FNDC7: variants seen among roughly 807,000 people sequenced by gnomAD.
FNDC7 encodes fibronectin type III domain containing 7, also known as fibronectin type III domain-containing protein 7.
A neutral mutation model predicts 74.2 loss-of-function variants in FNDC7; 66 were observed. That is an observed-to-expected ratio of 0.89 (90% CI 0.73 to 1.09). The LOEUF (loss-of-function observed/expected upper bound fraction) is 1.09, where lower values mean the gene tolerates loss of function less well. Ranked by LOEUF, FNDC7 falls within the 50% of genes least tolerant of loss-of-function variation. The pLI is 0.00. For missense variants in FNDC7, 829 were observed against 893.4 expected (o/e 0.93, Z 0.92); for synonymous variants, 307 against 330.2 (o/e 0.93, Z 0.76).
intron 4 of FNDC7, among the ~76,000 whole-genome samples, chr1:108,719,968 C>G (rs889140780): frequency 6.6e-5 from 10 of 152,190 alleles, no homozygotes; most frequent in Admixed American, 2.0e-4. Flanking sequence ...ATGGAAGCCC[C>G]ATAGTGTATG....
intron 10 of FNDC7, 106 bp from the exon 11 acceptor site, chr1:108,737,389 C>T (rs938257094): frequency 9.6e-5 from 96 of 1,002,990 alleles, no homozygotes; most frequent in Non-Finnish European, 1.2e-4. Flanking sequence ...CGTTCTTGTT[C>T]GTTTTTTGGT....
intron 2 of FNDC7, among the ~76,000 whole-genome samples, chr1:108,716,325 GTGTGTGTGTGT>G (rs1557786137): frequency 6.8e-5 from 4 of 58,516 alleles, no homozygotes; most frequent in African/African-American, 2.5e-4. Context: ...AGAGAGGTGT[GTGTGTGTGTGT>G]GTGTGTGTGT....
chr1:108,722,662 C>T, intron 5 of FNDC7, 70 bp downstream of exon 5: 1 of 1,474,582 alleles, frequency 6.8e-7, no homozygotes, highest in Non-Finnish European at 9.1e-7. Flanking sequence ...CGTTCACTGA[C>T]AATGTTTCTG....
intron 8 of FNDC7, among the ~76,000 whole-genome samples, chr1:108,729,231 C>T (rs955024698): frequency 4.6e-5 from 7 of 152,166 alleles, no homozygotes; most frequent in African/African-American, 1.7e-4. Flanking sequence ...TTCTTTGGCT[C>T]AGCCCTTTCA....
At chr1:108,731,193 C>T (rs1388938958) in intron 9 of FNDC7, among the ~76,000 whole-genome samples, 18 of 152,198 alleles carry the variant, frequency 1.2e-4, no homozygotes, top group Admixed American at 1.1e-3. Context: ...CTTTATATGA[C>T]ATAGCTACTT....
chr1:108,722,404 C>T lies in FNDC7; in HGVS notation c.668C>T (p.Ala223Val), dbSNP rs930398070. Residue 223 changes from alanine (A) to valine (V), a missense_variant, in exon 5 of 13, where the codon GCA becomes GTA. By Grantham distance (64) the Ala-to-Val change is moderately conservative. Coordinates refer to ENST00000370017, the MANE Select transcript of FNDC7 (RefSeq NM_001144937.3). ...GCTCTGAAGGCATCTTTTTCCTGGG[C>T]ACGGGCAGAAGGAGCTTTCAATTAT... ...SGALKASFSW[A>V]RAEGAFNYTV... is the part of the protein sequence containing the mutation. 7.4e-6 allele frequency: 12 copies of T among 1,614,046 alleles called. No individual in the cohort carries two copies. The highest frequency in any genetic ancestry group is 1.3e-5 in the African/African-American group (1 of 74,926).
At chr1:108,732,744 T>C (rs2151327) in intron 9 of FNDC7, among the ~76,000 whole-genome samples, 79,442 of 151,438 alleles carry the variant, frequency 0.52, 21,254 homozygotes, top group African/African-American at 0.57. Flanking sequence ...TCTTTTTTCT[T>C]TCTTTCTTTC....
chr1:108,731,888 C>T (rs911411529), intron 9 of FNDC7, among the ~76,000 whole-genome samples: 49 of 152,132 alleles, frequency 3.2e-4, no homozygotes, highest in Non-Finnish European at 3.5e-4. Flanking sequence ...CCTTGATATC[C>T]AGTTCTCAGA....
At chr1:108,719,077 C>T in intron 4 of FNDC7, 28 bp downstream of exon 4, 2 of 1,550,086 alleles carry the variant, frequency 1.3e-6, no homozygotes, top group Non-Finnish European at 8.7e-7. Context: ...CAGCCTCGAA[C>T]AATTCTACTT....
chr1:108,713,753 T>C (rs913832425), intron 2 of FNDC7, among the ~76,000 whole-genome samples: 2 of 152,310 alleles, frequency 1.3e-5, no homozygotes, highest in South Asian at 2.1e-4. Flanking sequence ...TCATAAAGTG[T>C]TCTTGCTGAG....
Position 108,717,886 on chromosome 1 carries a change from C to A in FNDC7, c.192C>A (p.Asp64Glu). The A allele has an allele frequency of 6.4e-7, 1 of 1,551,712 alleles. No homozygotes were observed. Among genetic ancestry groups the A allele is most frequent in the Non-Finnish European group, 8.7e-7 (1 of 1,146,992 alleles). ...GATSYLLTAEDGDTVIETTVA... is the reference protein window; with the variant it reads ...GATSYLLTAEEGDTVIETTVA... ...CCAGTTACCTCCTCACGGCTGAAGACGGGGACACAGTCATTGAAACCACGG... is the reference window on the plus strand; with the variant it reads ...CCAGTTACCTCCTCACGGCTGAAGAAGGGGACACAGTCATTGAAACCACGG... The change falls in exon 3 of 13, where the codon GAC becomes GAA. Residue 64 changes from aspartate (D) to glutamate (E), a missense_variant. Transcript: ENST00000370017.
intron 4 of FNDC7, among the ~76,000 whole-genome samples, chr1:108,720,619 G>GT (rs1661073648): frequency 6.6e-6 from 1 of 152,202 alleles, no homozygotes; most frequent in Non-Finnish European, 1.5e-5. Flanking sequence ...AGGCTACGAA[G>GT]TCTGAAATCA....
At position 108,726,024 on chromosome 1, in the gene FNDC7, T is replaced by C. The variant is rs760393872; in HGVS notation, c.1111+20T>C. The C allele has an allele frequency of 6.8e-6, 11 of 1,612,336 alleles. No homozygotes were observed. The highest frequency in any genetic ancestry group is 9.3e-6 in the Non-Finnish European group (11 of 1,178,828). The stretch of plus-strand genomic sequence containing the variant: ...CCACAGGTAAGTCCCATTTGATGTT[T>C]GTTAAGGGAGTTCTGAGATCTCTAA... On this transcript the variant is annotated intron_variant, in intron 6 of 12. Transcript: ENST00000370017.
intron 7 of FNDC7, 52 bp from the exon 8 acceptor site, chr1:108,728,580 A>G: frequency 6.2e-7 from 1 of 1,604,410 alleles, no homozygotes; most frequent in Non-Finnish European, 8.5e-7. Context: ...CAAATGGCAC[A>G]TGTGATATTT....
intron 2 of FNDC7, among the ~76,000 whole-genome samples, chr1:108,716,815 T>C (rs1448831319): frequency 1.3e-5 from 2 of 152,080 alleles, no homozygotes; most frequent in Non-Finnish European, 2.9e-5. Flanking sequence ...ATTTGACATA[T>C]AGTGATTTTA....
At chr1:108,721,418 A>G (rs766844709) in intron 4 of FNDC7, among the ~76,000 whole-genome samples, 1 of 152,142 alleles carries the variant, frequency 6.6e-6, no homozygotes, top group Non-Finnish European at 1.5e-5. Flanking sequence ...GCAGTAAGCC[A>G]AGATTGCGAC....
Position 108,730,691 on chromosome 1 carries a change from G to C in FNDC7, c.1642G>C (p.Gly548Arg), listed in dbSNP as rs149101048. 6.3e-7 allele frequency: 1 copy of C among 1,580,560 alleles called. No individual in the cohort carries two copies. The highest frequency in any genetic ancestry group is 8.6e-7 in the Non-Finnish European group (1 of 1,159,684). Residue 548 changes from glycine (G) to arginine (R), a missense_variant, in exon 9 of 13, where the codon GGT (glycine) becomes CGT (arginine). Gly to Arg is a moderately radical substitution (Grantham distance 125, BLOSUM62 -2). Transcript: ENST00000370017. Reference sequence around the variant, plus strand: ...CATTTAAGTGCCATGCTGTCCAACCGGTCTGACAGTAACTCAAATCACCCA... The same window carrying C: ...CATTTAAGTGCCATGCTGTCCAACCCGTCTGACAGTAACTCAAATCACCCA... The part of the protein sequence containing the change: ...PLETVPCCPT[G>R]LTVTQITQSV...
At chr1:108,727,488 G>A (rs574904423) in intron 6 of FNDC7, among the ~76,000 whole-genome samples, 1 of 152,274 alleles carries the variant, frequency 6.6e-6, no homozygotes, top group African/African-American at 2.4e-5. Flanking sequence ...CTTTCCAGTG[G>A]AGGGGTCAGC....
rs760503791 is a variant in FNDC7, at chr1:108,717,906, C to T, written c.212C>T (p.Thr71Ile). 2 of 1,551,740 alleles carry T rather than the reference C, an allele frequency of 1.3e-6. No individual in the cohort carries two copies. The highest frequency in any genetic ancestry group is 1.7e-6 in the Non-Finnish European group (2 of 1,147,004). ...GAAGACGGGGACACAGTCATTGAAA[C>T]CACGGTGGCCAATTCCCCAGGCACT... ...TAEDGDTVIETTVANSPGTVT... is the reference protein window; with the variant it reads ...TAEDGDTVIEITVANSPGTVT... Residue 71 changes from threonine (T) to isoleucine (I), a missense_variant, in exon 3 of 13, where the codon ACC (threonine) becomes ATC (isoleucine). Transcript: ENST00000370017.
Sources: allele counts gnomAD v4.1 joint callset (sites outside exome capture counted in the v4.1 genomes callset), GRCh38; gene constraint gnomAD v4.1.1; transcripts MANE v1.5; gene names NCBI Gene and HGNC (gene_info 2026-07-23, HGNC 2026-07-21).